PACSIN1: variants seen among roughly 807,000 people sequenced by gnomAD.
PACSIN1 encodes protein kinase C and casein kinase substrate in neurons 1.
Under a neutral mutation model 59.5 loss-of-function variants are expected in PACSIN1, and 15 were observed. The observed-to-expected ratio is 0.25, with a 90% CI of 0.17 to 0.39. The LOEUF (loss-of-function observed/expected upper bound fraction) is 0.39, where lower values mean the gene tolerates loss of function less well. Ranked by LOEUF, PACSIN1 falls within the 10% of genes least tolerant of loss-of-function variation. PACSIN1 has a pLI of 1.00. For synonymous variants in PACSIN1, 210 were observed against 220.6 expected, an observed-to-expected ratio of 0.95 and a Z score of 0.42; for missense variants, 420 against 580.2, an observed-to-expected ratio of 0.72 and a Z score of 2.84.
intron 1 of PACSIN1, among the ~76,000 whole-genome samples, chr6:34,517,705 A>C (rs915524027): frequency 5.9e-5 from 9 of 151,862 alleles, no homozygotes; most frequent in South Asian, 2.1e-4. Context: ...ACCATCCTCC[A>C]TAAAAAAGCA....
chr6:34,512,223 C>G (rs1335542764), intron 1 of PACSIN1, among the ~76,000 whole-genome samples: 1 of 151,270 alleles, frequency 6.6e-6, no homozygotes, highest in Non-Finnish European at 1.5e-5. Context: ...TGGATGCTCT[C>G]TGTGCTGGGG....
chr6:34,497,252 G>A (rs771835206), intron 1 of PACSIN1, among the ~76,000 whole-genome samples: 13 of 151,978 alleles, frequency 8.6e-5, no homozygotes, highest in Non-Finnish European at 1.8e-4. Flanking sequence ...CCAGCCAATG[G>A]TGTGCATCTC....
intron 1 of PACSIN1, among the ~76,000 whole-genome samples, chr6:34,467,906 T>C (rs936026595): frequency 2.0e-5 from 3 of 152,150 alleles, no homozygotes; most frequent in African/African-American, 7.2e-5. Flanking sequence ...CTTTTGGAGA[T>C]AGTGTTGCAA....
rs1757252251 is a variant in PACSIN1 at position 34,518,297 on chromosome 6, G to A, written c.-63-7946G>A. Among the ~76,000 whole-genome samples, 1 of 152,248 alleles carries A rather than the reference G, an allele frequency of 6.6e-6. No homozygotes were observed. The highest frequency in any genetic ancestry group is 6.5e-5 in the Admixed American group (1 of 15,292). ...AGGAGTGTTGCCCACAGAGGAGGCA[G>A]CCTGGCCCCTGCTCTCCAGGTGGCC... On this transcript the variant is annotated intron_variant, in intron 1 of 9. Coordinates refer to ENST00000244458, the MANE Select transcript of PACSIN1 (RefSeq NM_020804.5). This position sits in a 1 kb window ranked among gnomAD's most constrained non-coding sequence, Gnocchi z 4.4.
chr6:34,523,264 G>A (rs1226923965), intron 1 of PACSIN1, among the ~76,000 whole-genome samples: 2 of 152,236 alleles, frequency 1.3e-5, no homozygotes, highest in African/African-American at 2.4e-5. Flanking sequence ...ACTGCCTGCT[G>A]GCCACTGTCA....
rs1452941396 is a variant in PACSIN1, at chr6:34,532,572, C to T, written c.*42C>T. ...TACTCCCGTCACTCCTCCCCACTGC[C>T]GCCCCTCCCCTCCCACTCTCGTCTC... On this transcript the variant is annotated 3_prime_UTR_variant, in exon 10 of 10. Transcript: ENST00000244458. The surrounding 1 kb of genome is among the most constrained non-coding windows in gnomAD (Gnocchi z 5.2). 9.1e-7 allele frequency: 1 copy of T among 1,096,900 alleles called. No homozygotes were observed. The highest frequency in any genetic ancestry group is 1.4e-5 in the South Asian group (1 of 70,618). 67.9% of individuals were successfully genotyped at this position (1,096,900 alleles called of 1,614,324 possible).
At position 34,474,885 on chromosome 6, in the gene PACSIN1, C is replaced by T. The variant is rs114127610; in HGVS notation, c.-64+8615C>T. Among the ~76,000 whole-genome samples, 222 of 151,842 alleles carry T rather than the reference C, an allele frequency of 1.5e-3. 1 individual carries two copies. Among genetic ancestry groups the T allele is most frequent in the African/African-American group, 4.7e-3 (196 of 41,372 alleles). ...TCAGACCTTCTCTCATACATCCTAGCCTCACTGATCCCCAGGTCATTTCTT... is the reference window on the plus strand; with the variant it reads ...TCAGACCTTCTCTCATACATCCTAGTCTCACTGATCCCCAGGTCATTTCTT... On this transcript the variant is annotated intron_variant, in intron 1 of 9. Coordinates refer to ENST00000244458, the MANE Select transcript of PACSIN1 (RefSeq NM_020804.5).
chr6:34,478,946 CGGCAAGAGGAGGTGCCAGAGCAACAAGTG>C (rs1252667201), intron 1 of PACSIN1, among the ~76,000 whole-genome samples: 1 of 152,040 alleles, frequency 6.6e-6, no homozygotes, highest in Admixed American at 6.6e-5. Flanking sequence ...CATTCTAATA[CGGCAAGAGGAGGTGCCAGAGCAACAAGTG>C]GGCAAGTGCA....
chr6:34,512,563 G>C (rs561106329), intron 1 of PACSIN1, among the ~76,000 whole-genome samples: 1 of 152,288 alleles, frequency 6.6e-6, no homozygotes, highest in Admixed American at 6.5e-5. Flanking sequence ...CCACCCTCCT[G>C]GCCTAGGCCT....
chr6:34,483,874 C>A (rs1246460750), intron 1 of PACSIN1, among the ~76,000 whole-genome samples: 1 of 151,986 alleles, frequency 6.6e-6, no homozygotes, highest in Non-Finnish European at 1.5e-5. Flanking sequence ...GTCTCGAACT[C>A]CCAACCTCAG....
rs1561972439 is a variant in PACSIN1 at position 34,531,138 on chromosome 6, G to C, written c.1038-462G>C. ...CCTTCTAGAGCACCTACTGTGTGTG[G>C]CACGGTTCTATGCACTTTCCATATG... On this transcript the variant is annotated intron_variant, in intron 8 of 9. Transcript: ENST00000244458. The surrounding 1 kb of genome is among the most constrained non-coding windows in gnomAD (Gnocchi z 4.4). Among the ~76,000 whole-genome samples the C allele has an allele frequency of 1.3e-5, 2 of 152,198 alleles. No homozygotes were observed. Among genetic ancestry groups the C allele is most frequent in the Non-Finnish European group, 2.9e-5 (2 of 68,040 alleles).
chr6:34,527,680 G>A (rs1464751961), intron 3 of PACSIN1, 192 bp downstream of exon 3: 21 of 384,332 alleles, frequency 5.5e-5, no homozygotes, highest in Non-Finnish European at 9.3e-5. Context: ...ATTTTAGGTT[G>A]AATTAAAAAA....
rs1767470202 is a variant in PACSIN1 at position 34,525,730 on chromosome 6, CCGACAGATCCAGGGCAGA to C, written c.-63-511_-63-494del. Among the ~76,000 whole-genome samples the C allele has an allele frequency of 6.6e-6, 1 of 152,060 alleles. No homozygotes were observed. Among genetic ancestry groups the C allele is most frequent in the Non-Finnish European group, 1.5e-5 (1 of 68,008 alleles). ...CTAGATTGGATAACCCTGATGCCTGCCGACAGATCCAGGGCAGACACAGCCACCCCAGACGCTCCCATA... is the reference window on the plus strand; with the variant it reads ...CTAGATTGGATAACCCTGATGCCTGCCACAGCCACCCCAGACGCTCCCATA... On this transcript the variant is annotated intron_variant, in intron 1 of 9. Coordinates refer to ENST00000244458, the MANE Select transcript of PACSIN1 (RefSeq NM_020804.5). The surrounding 1 kb of genome is among the most constrained non-coding windows in gnomAD (Gnocchi z 4.9).
intron 1 of PACSIN1, among the ~76,000 whole-genome samples, chr6:34,471,740 G>A (rs1766573130): frequency 6.6e-6 from 1 of 152,112 alleles, no homozygotes; most frequent in South Asian, 2.1e-4. Flanking sequence ...CCACTTTTTG[G>A]GACTTATTCC....
chr6:34,502,148 C>T (rs1767034880), intron 1 of PACSIN1, among the ~76,000 whole-genome samples: 1 of 152,030 alleles, frequency 6.6e-6, no homozygotes, highest in African/African-American at 2.4e-5. Context: ...GGTATTCACA[C>T]CCTGGTGCAG....
chr6:34,518,232 G>T lies in PACSIN1; in HGVS notation c.-63-8011G>T, dbSNP rs1429158280. Among the ~76,000 whole-genome samples the T allele has an allele frequency of 6.6e-6, 1 of 152,250 alleles. No homozygotes were observed. The highest frequency in any genetic ancestry group is 1.5e-5 in the Non-Finnish European group (1 of 68,044). ...TTCTTCCTGGTCAGAACTCATCCTT[G>T]AGTTCCCTGTGTTGCAAAAACGTGC... On this transcript the variant is annotated intron_variant, in intron 1 of 9. Coordinates refer to ENST00000244458, the MANE Select transcript of PACSIN1 (RefSeq NM_020804.5). The surrounding 1 kb of genome is among the most constrained non-coding windows in gnomAD (Gnocchi z 4.4).
rs1766664981 is a variant in PACSIN1 at position 34,478,130 on chromosome 6, G to T, written c.-64+11860G>T. 6.0e-5 allele frequency among the ~76,000 whole-genome samples: 9 copies of T among 150,622 alleles called. No individual in the cohort carries two copies. The South Asian group carries it at 1.9e-3, about 32-fold the overall frequency. On this transcript the variant is annotated intron_variant, in intron 1 of 9. Transcript: ENST00000244458. Reference sequence around the variant, plus strand: ...GCTGGAGCACAGTGGCGCGATCTCGGCTTACTGCAACCTCCGGCTCCCGGG... The same window carrying T: ...GCTGGAGCACAGTGGCGCGATCTCGTCTTACTGCAACCTCCGGCTCCCGGG...
chr6:34,489,923 T>G (rs527316213), intron 1 of PACSIN1, among the ~76,000 whole-genome samples: 1 of 152,314 alleles, frequency 6.6e-6, no homozygotes, highest in Admixed American at 6.5e-5. Context: ...ATTCTGGGGT[T>G]GCAGGGTCCT....
Position 34,530,553 on chromosome 6 carries a change from G to A in PACSIN1, c.1003G>A (p.Val335Ile). 6.2e-7 allele frequency: 1 copy of A among 1,603,026 alleles called. No individual in the cohort carries two copies. Among genetic ancestry groups the A allele is most frequent in the South Asian group, 1.1e-5 (1 of 89,980 alleles). ...GGCGCTGACCAATGCCACTGGGGCGGTAGAGTCCACATCCCAGGCTGGGGA... is the reference window on the plus strand; with the variant it reads ...GGCGCTGACCAATGCCACTGGGGCGATAGAGTCCACATCCCAGGCTGGGGA... ...GVALTNATGA[V>I]ESTSQAGDRG... Residue 335 changes from valine (V) to isoleucine (I), a missense_variant, in exon 8 of 10, where the codon GTA becomes ATA. Transcript: ENST00000244458. The surrounding 1 kb of genome is among the most constrained non-coding windows in gnomAD (Gnocchi z 4.4).
Sources: gnomAD v4.1 joint callset for allele counts (sites outside exome capture counted in the v4.1 genomes callset) on GRCh38, gnomAD v4.1.1 for gene constraint, Gnocchi (gnomAD v3.1) non-coding constraint, MANE v1.5 for transcripts, NCBI Gene and HGNC (gene_info 2026-07-23, HGNC 2026-07-21) for gene names.